Variants in MAST4 observed in about 807,000 individuals in gnomAD.
MAST4 encodes microtubule-associated serine/threonine-protein kinase 4.
A neutral mutation model predicts 162.7 loss-of-function variants in MAST4; 89 were observed. The ratio of observed to expected loss-of-function variants is 0.55; its 90% CI spans 0.46 to 0.65. The LOEUF is 0.65. MAST4 is among the 30% of genes least tolerant of loss of function. The pLI, the probability that MAST4 is intolerant of heterozygous loss-of-function variation, is 0.00. For missense variants in MAST4, 3,153 were observed against 3,374.0 expected, an observed-to-expected ratio of 0.93 and a Z score of 1.62; for synonymous variants, 1,479 against 1,361.1, an observed-to-expected ratio of 1.09 and a Z score of -1.91.
In MAST4 at chr5:67,057,610, GAAAGA is replaced by G. The variant is rs61687815; in HGVS notation, c.763+3135_763+3139del. 6.4e-4 allele frequency among the ~76,000 whole-genome samples: 92 copies of G among 144,322 alleles called. 1 individual carries two copies. The highest frequency in any genetic ancestry group is 3.5e-3 in the Middle Eastern group (1 of 282). The allele number at this position is 144,322 out of a possible 152,430, so 94.7% of individuals were successfully genotyped here. A position where few individuals can be genotyped will look rare whatever the true frequency, so the allele number is the denominator to read the frequency against. On this transcript the variant is annotated intron_variant, in intron 5 of 28. Coordinates refer to ENST00000403625, the MANE Select transcript of MAST4 (RefSeq NM_001164664.2). ...TCTCATTAAAAAAAAAAAAAAGAAG[GAAAGA>G]AAAGAAAAGAAAAGAAGGCATAGAA...
At chr5:66,825,281 C>T (rs969097460) in intron 3 of MAST4, among the ~76,000 whole-genome samples, 2 of 107,214 alleles carry the variant, frequency 1.9e-5, no homozygotes, top group African/African-American at 7.5e-5. Flanking sequence ...CACACACACA[C>T]ACACACACAC....
At chr5:66,638,041 T>C (rs1202640293) in intron 1 of MAST4, among the ~76,000 whole-genome samples, 1 of 152,182 alleles carries the variant, frequency 6.6e-6, no homozygotes, top group Non-Finnish European at 1.5e-5. Flanking sequence ...TATTCCTCAG[T>C]TTTCTTAATT....
intron 4 of MAST4, among the ~76,000 whole-genome samples, chr5:66,990,351 C>G (rs1199713627): frequency 6.6e-6 from 1 of 152,148 alleles, no homozygotes; most frequent in African/African-American, 2.4e-5. Flanking sequence ...GAAATATAGT[C>G]TAGGTTGGGT....
intron 4 of MAST4, among the ~76,000 whole-genome samples, chr5:67,033,374 A>T (rs1377032109): frequency 7.4e-6 from 1 of 135,128 alleles, no homozygotes; most frequent in East Asian, 2.0e-4. Context: ...TGTTACAGAT[A>T]CTTCTCCTTT....
intron 4 of MAST4, among the ~76,000 whole-genome samples, chr5:66,962,227 A>G (rs1419013263): frequency 6.6e-6 from 1 of 152,176 alleles, no homozygotes; most frequent in East Asian, 1.9e-4. Flanking sequence ...AGATAGGAAA[A>G]CATGATACAG....
At chr5:67,061,328 A>G (rs1759569495) in intron 5 of MAST4, among the ~76,000 whole-genome samples, 1 of 152,194 alleles carries the variant, frequency 6.6e-6, no homozygotes, top group Non-Finnish European at 1.5e-5. Context: ...TGGGATTTAG[A>G]CATTTTCCAT....
intron 1 of MAST4, among the ~76,000 whole-genome samples, chr5:66,707,723 G>T (rs1750225575): frequency 6.6e-6 from 1 of 152,172 alleles, no homozygotes; most frequent in Non-Finnish European, 1.5e-5. Flanking sequence ...GGGTTAGGAT[G>T]TCAACATGAT....
intron 26 of MAST4, among the ~76,000 whole-genome samples, chr5:67,158,065 A>C (rs1425172722): frequency 6.6e-6 from 1 of 152,190 alleles, no homozygotes; most frequent in Non-Finnish European, 1.5e-5. Flanking sequence ...AACATCAGTG[A>C]CACAGGAACT....
At chr5:66,855,295 G>C (rs1489592507) in intron 3 of MAST4, among the ~76,000 whole-genome samples, 2 of 152,116 alleles carry the variant, frequency 1.3e-5, no homozygotes, top group African/African-American at 2.4e-5. Context: ...TGAGACTCCT[G>C]CTCCTCCTTC....
chr5:67,003,614 A>G (rs1004364315), intron 4 of MAST4, among the ~76,000 whole-genome samples: 3 of 152,218 alleles, frequency 2.0e-5, no homozygotes, highest in African/African-American at 7.2e-5. Context: ...ATTACACCAG[A>G]CTTAAGGCAG....
At chr5:66,996,586 C>CTGAG (rs1255121389) in intron 4 of MAST4, among the ~76,000 whole-genome samples, 1 of 152,172 alleles carries the variant, frequency 6.6e-6, no homozygotes, top group Non-Finnish European at 1.5e-5. Flanking sequence ...GTCGGCTGGG[C>CTGAG]TGAGCTCCCT....
intron 19 of MAST4, among the ~76,000 whole-genome samples, chr5:67,140,349 A>C (rs911813504): frequency 1.3e-5 from 2 of 152,250 alleles, no homozygotes; most frequent in African/African-American, 4.8e-5. Context: ...GAAGAAAATA[A>C]GATGGGCAGT....
At chr5:67,157,932 C>A (rs562704312) in intron 26 of MAST4, among the ~76,000 whole-genome samples, 1 of 152,168 alleles carries the variant, frequency 6.6e-6, no homozygotes, top group African/African-American at 2.4e-5. Context: ...AAAAGTCAAT[C>A]CTGAATTGTA....
intron 4 of MAST4, among the ~76,000 whole-genome samples, chr5:66,924,056 A>G (rs548682935): frequency 6.6e-6 from 1 of 152,310 alleles, no homozygotes; most frequent in South Asian, 2.1e-4. Flanking sequence ...GGTTTTAAAA[A>G]CCAAGCCACC....
chr5:67,019,882 C>A (rs989588166), intron 4 of MAST4, among the ~76,000 whole-genome samples: 1 of 152,124 alleles, frequency 6.6e-6, no homozygotes, highest in African/African-American at 2.4e-5. Flanking sequence ...TCTAGTTGAA[C>A]CCCCTCATTA....
Position 66,923,978 on chromosome 5 carries a change from GC to G in MAST4, c.674+24000del, listed in dbSNP as rs778613728. 3.3e-5 allele frequency among the ~76,000 whole-genome samples: 5 copies of G among 152,332 alleles called. No homozygotes were observed. The South Asian group carries it at 1.0e-3, about 32-fold the overall frequency. ...AAACCTGTCATAAAAGAGTTAGGTG[GC>G]CCCTGGTTTAGTTGCTTTTCCATCA... On this transcript the variant is annotated intron_variant, in intron 4 of 28. Transcript: ENST00000403625.
chr5:66,671,440 A>G (rs1431828585), intron 1 of MAST4, among the ~76,000 whole-genome samples: 7 of 152,172 alleles, frequency 4.6e-5, no homozygotes, highest in Non-Finnish European at 1.5e-5. Flanking sequence ...CCTAAGACCT[A>G]TCTAGCAACT....
intron 4 of MAST4, among the ~76,000 whole-genome samples, chr5:66,935,299 T>C (rs1321030093): frequency 6.6e-6 from 1 of 152,226 alleles, no homozygotes; most frequent in Non-Finnish European, 1.5e-5. Context: ...ATTTTGATAC[T>C]ATGTGGTATG....
At chr5:66,825,765 T>G (rs962414983) in intron 3 of MAST4, among the ~76,000 whole-genome samples, 1 of 152,216 alleles carries the variant, frequency 6.6e-6, no homozygotes, top group African/African-American at 2.4e-5. Flanking sequence ...AGGTAATTTT[T>G]TTTAATGAAA....
Sources: allele counts gnomAD v4.1 joint callset (sites outside exome capture counted in the v4.1 genomes callset), GRCh38; gene constraint gnomAD v4.1.1; transcripts MANE v1.5; gene names NCBI Gene and HGNC (gene_info 2026-07-23, HGNC 2026-07-21).